The following RBFOX3 variants were observed in gnomAD, a reference collection of about 807,000 sequenced individuals.
RBFOX3 encodes RNA binding protein fox-1 homolog 3.
Under a neutral mutation model 48.7 loss-of-function variants are expected in RBFOX3, and 17 were observed. The ratio of observed to expected loss-of-function variants is 0.35; its 90% CI spans 0.24 to 0.52. The LOEUF (loss-of-function observed/expected upper bound fraction) is 0.52. RBFOX3 is among the 20% of genes least tolerant of loss of function. The pLI is 0.94. For missense variants in RBFOX3, 382 were observed against 497.5 expected, an observed-to-expected ratio of 0.77 and a Z score of 2.21; for synonymous variants, 212 against 209.5, an observed-to-expected ratio of 1.01 and a Z score of -0.10.
Position 79,264,964 on chromosome 17 carries a change from GA to G in RBFOX3, c.-73-29160del, listed in dbSNP as rs1191837340. On this transcript the variant is annotated intron_variant, in intron 3 of 14. Coordinates refer to ENST00000693108, the MANE Select transcript of RBFOX3 (RefSeq NM_001350451.2). ...CCCTTGGAGACCCTCAGTGCGAGAG[GA>G]GGGGGGGGGGGCGCAGATTTGTGGC... Among the ~76,000 whole-genome samples, 377 of 138,792 alleles carry G rather than the reference GA, an allele frequency of 2.7e-3. 2 individuals carry two copies. The highest frequency in any genetic ancestry group is 8.9e-3 in the African/African-American group (322 of 36,240). 91.1% of individuals were successfully genotyped at this position (138,792 alleles called of 152,430 possible).
At chr17:79,649,850 G>A in the RBFOX3 span, among the ~76,000 whole-genome samples, 4 of 152,140 alleles carry the variant, frequency 2.6e-5, no homozygotes, top group Non-Finnish European at 2.9e-5. Flanking sequence ...GGAGGCAGGC[G>A]AAGGGGAAGC....
intron 4 of RBFOX3, among the ~76,000 whole-genome samples, chr17:79,162,184 G>A (rs1203187760): frequency 1.3e-5 from 2 of 152,178 alleles, no homozygotes; most frequent in Admixed American, 6.5e-5. Flanking sequence ...GACATAATGG[G>A]GCATTAGAAG....
At chr17:79,510,305 C>T (rs1189738822) in intron 1 of RBFOX3, among the ~76,000 whole-genome samples, 1 of 152,226 alleles carries the variant, frequency 6.6e-6, no homozygotes, top group Non-Finnish European at 1.5e-5. Flanking sequence ...GCCAAGCCCC[C>T]ACTTTAAATA....
chr17:79,217,860 G>T (rs2059250084), intron 4 of RBFOX3, among the ~76,000 whole-genome samples: 1 of 152,136 alleles, frequency 6.6e-6, no homozygotes, highest in Non-Finnish European at 1.5e-5. Flanking sequence ...GCTCAGCCTG[G>T]CTGGGCCACG....
intron 1 of RBFOX3, among the ~76,000 whole-genome samples, chr17:79,503,962 T>G (rs1389550159): frequency 1.3e-5 from 2 of 152,070 alleles, no homozygotes; most frequent in Non-Finnish European, 2.9e-5. Flanking sequence ...CCTTCCAGAC[T>G]CCAGTCAAGG....
intron 2 of RBFOX3, among the ~76,000 whole-genome samples, chr17:79,357,650 A>G (rs2085433503): frequency 6.9e-6 from 1 of 145,348 alleles, no homozygotes; most frequent in African/African-American, 2.5e-5. Context: ...AAACAAACAA[A>G]AAACAAACTC....
intron 1 of RBFOX3, among the ~76,000 whole-genome samples, chr17:79,539,917 G>A (rs549875654): frequency 4.2e-4 from 64 of 152,242 alleles, no homozygotes; most frequent in South Asian, 6.2e-4. Flanking sequence ...TAGGTCCCAC[G>A]CGATGTGTAA....
intron 2 of RBFOX3, among the ~76,000 whole-genome samples, chr17:79,399,074 C>A (rs1222089847): frequency 2.6e-5 from 4 of 152,144 alleles, no homozygotes. Context: ...CGGCTACAAG[C>A]CCGGGAACCC....
intron 1 of RBFOX3, among the ~76,000 whole-genome samples, chr17:79,507,763 CCAAAGGGAGAG>C (rs2083384612): frequency 6.6e-6 from 1 of 152,118 alleles, no homozygotes; most frequent in Non-Finnish European, 1.5e-5. Context: ...AATGACCACC[CCAAAGGGAGAG>C]TCTCCTCTCT....
chr17:79,546,755 C>T (rs571039647), intron 1 of RBFOX3, among the ~76,000 whole-genome samples: 19 of 151,644 alleles, frequency 1.3e-4, no homozygotes, highest in East Asian at 3.9e-4. Flanking sequence ...CTGCAACCTC[C>T]GACTCCCAGG....
At chr17:79,461,445 C>T (rs898734992) in intron 2 of RBFOX3, among the ~76,000 whole-genome samples, 17 of 152,214 alleles carry the variant, frequency 1.1e-4, no homozygotes, top group South Asian at 2.1e-4. Context: ...GCATCTCCAA[C>T]CATTTCCGCC....
chr17:79,173,236 A>ATACATACATACATACATACG (rs1361135972), intron 4 of RBFOX3, among the ~76,000 whole-genome samples: 4 of 152,198 alleles, frequency 2.6e-5, no homozygotes, highest in African/African-American at 9.7e-5. Context: ...ACATACATAC[A>ATACATACATACATACATACG]TACGTACATA....
chr17:79,386,471 C>T (rs1035616077), intron 2 of RBFOX3, among the ~76,000 whole-genome samples: 2 of 152,240 alleles, frequency 1.3e-5, no homozygotes, highest in African/African-American at 4.8e-5. Context: ...CCAAAGTCGA[C>T]AGCTAGTGAG....
chr17:79,560,405 G>A (rs1047144045), intron 1 of RBFOX3, among the ~76,000 whole-genome samples: 85 of 152,136 alleles, frequency 5.6e-4, no homozygotes, highest in Admixed American at 7.2e-4. Context: ...TCCTGCTGGC[G>A]GAAGGTGTGA....
intron 4 of RBFOX3, among the ~76,000 whole-genome samples, chr17:79,157,044 G>A (rs2045966382): frequency 6.6e-6 from 1 of 152,210 alleles, no homozygotes; most frequent in Admixed American, 6.5e-5. Flanking sequence ...CTCAGCCGCT[G>A]CTGTGGGCCA....
intron 2 of RBFOX3, among the ~76,000 whole-genome samples, chr17:79,310,759 A>T (rs746425196): frequency 6.6e-6 from 1 of 152,192 alleles, no homozygotes; most frequent in Non-Finnish European, 1.5e-5. Flanking sequence ...GGCATTAAAC[A>T]TCTAATGCAA....
At chr17:79,504,852 C>T (rs1032763883) in intron 1 of RBFOX3, among the ~76,000 whole-genome samples, 1 of 152,188 alleles carries the variant, frequency 6.6e-6, no homozygotes, top group South Asian at 2.1e-4. Flanking sequence ...CAGCCAACCA[C>T]AGATATGCAC....
chr17:79,322,665 C>T (rs1334301216), intron 2 of RBFOX3, among the ~76,000 whole-genome samples: 1 of 152,164 alleles, frequency 6.6e-6, no homozygotes, highest in African/African-American at 2.4e-5. Flanking sequence ...GAGACAGGGA[C>T]TCCTAGGCAG....
At chr17:79,651,930 T>C in the RBFOX3 span, among the ~76,000 whole-genome samples, 1 of 133,560 alleles carries the variant, frequency 7.5e-6, no homozygotes, top group African/African-American at 2.9e-5. Context: ...GAGGCTCACG[T>C]GCCGAGGAAC....
Sources: gnomAD v4.1 joint callset for allele counts (sites outside exome capture counted in the v4.1 genomes callset) on GRCh38, gnomAD v4.1.1 for gene constraint, MANE v1.5 for transcripts, NCBI Gene and HGNC (gene_info 2026-07-23, HGNC 2026-07-21) for gene names.